Variants in MYO3A observed in about 807,000 individuals in gnomAD.
MYO3A encodes the protein myosin-IIIa.
MYO3A carries 180 observed loss-of-function variants against 192.7 expected under a neutral mutation model. The observed-to-expected ratio is 0.93, with a 90% CI of 0.83 to 1.06. MYO3A has a LOEUF of 1.06. Among genes scored for constraint, MYO3A ranks in the 50% least tolerant of loss-of-function variants. The probability of loss-of-function intolerance (pLI) is 0.00; values close to 1 mark genes in which losing one functional copy is unlikely to be tolerated. For synonymous variants in MYO3A, 628 were observed against 645.3 expected, an observed-to-expected ratio of 0.97 and a Z score of 0.41; for missense variants, 1,896 against 1,905.0, an observed-to-expected ratio of 1.00 and a Z score of 0.09.
intron 6 of MYO3A, among the ~76,000 whole-genome samples, chr10:26,011,781 A>G (rs1487479389): frequency 1.3e-5 from 2 of 152,214 alleles, no homozygotes; most frequent in Non-Finnish European, 2.9e-5. Context: ...TATCACCCTG[A>G]TACCAAAAGC....
intron 14 of MYO3A, among the ~76,000 whole-genome samples, chr10:26,075,780 G>T (rs929120702): frequency 1.5e-5 from 2 of 134,928 alleles, no homozygotes; most frequent in African/African-American, 2.8e-5. Context: ...ATATATATAT[G>T]ATATATATGT....
intron 11 of MYO3A, among the ~76,000 whole-genome samples, chr10:26,068,231 G>A (rs1049028036): frequency 6.6e-6 from 1 of 152,008 alleles, no homozygotes; most frequent in Admixed American, 6.6e-5. Flanking sequence ...GTCATGTACT[G>A]TAAATGGTGG....
chr10:26,106,520 T>C (rs1371636296), intron 17 of MYO3A, among the ~76,000 whole-genome samples: 1 of 152,146 alleles, frequency 6.6e-6, no homozygotes, highest in African/African-American at 2.4e-5. Flanking sequence ...GCTTAGATCA[T>C]CTAAGACTAG....
chr10:26,017,014 G>A (rs1408785026), intron 7 of MYO3A, 118 bp downstream of exon 7: 3 of 1,132,344 alleles, frequency 2.6e-6, no homozygotes, highest in South Asian at 1.3e-5. Flanking sequence ...TCTCAGTTGT[G>A]TTATTTTCAT....
chr10:26,200,577 T>C (rs575982446), intron 32 of MYO3A, among the ~76,000 whole-genome samples: 1 of 152,224 alleles, frequency 6.6e-6, no homozygotes, highest in Non-Finnish European at 1.5e-5. Flanking sequence ...GGTTTGTATA[T>C]AAGGTGAAAC....
chr10:26,161,162 G>T (rs2131962420), intron 26 of MYO3A, among the ~76,000 whole-genome samples: 1 of 152,268 alleles, frequency 6.6e-6, no homozygotes, highest in African/African-American at 2.4e-5. Context: ...TTTGGAAGTT[G>T]TCATCCAAAT....
chr10:26,089,314 G>A (rs1351207850), intron 15 of MYO3A, among the ~76,000 whole-genome samples: 1 of 152,016 alleles, frequency 6.6e-6, no homozygotes, highest in Non-Finnish European at 1.5e-5. Context: ...TAAAAATATG[G>A]AAGGAGGCCG....
chr10:26,198,042 ACAGTACTCT>A (rs1254478490), intron 32 of MYO3A, among the ~76,000 whole-genome samples: 87 of 152,364 alleles, frequency 5.7e-4, no homozygotes, highest in African/African-American at 2.0e-3. Context: ...CCACTGTAGT[ACAGTACTCT>A]CAGGGGCTGT....
chr10:25,939,607 TG>T (rs961549159), intron 2 of MYO3A, among the ~76,000 whole-genome samples: 10 of 151,672 alleles, frequency 6.6e-5, no homozygotes, highest in African/African-American at 1.7e-4. Flanking sequence ...ATTGTATAGT[TG>T]TTTTTTTTTA....
chr10:25,952,388 T>A (rs904007747), intron 3 of MYO3A, 110 bp downstream of exon 3: 16 of 1,218,876 alleles, frequency 1.3e-5, no homozygotes, highest in Non-Finnish European at 1.7e-5. Context: ...CTAAAACAGG[T>A]TACAATTTGA....
intron 6 of MYO3A, among the ~76,000 whole-genome samples, chr10:26,008,725 A>G (rs1234071986): frequency 6.7e-6 from 1 of 149,250 alleles, no homozygotes; most frequent in Non-Finnish European, 1.5e-5. Flanking sequence ...AAGTCAGGAA[A>G]CAACAGGTGC....
At chr10:26,103,805 C>T (rs1163800805) in intron 17 of MYO3A, among the ~76,000 whole-genome samples, 2 of 152,186 alleles carry the variant, frequency 1.3e-5, no homozygotes, top group Non-Finnish European at 2.9e-5. Flanking sequence ...TACATTCCCA[C>T]CAGCACTGTC....
intron 10 of MYO3A, among the ~76,000 whole-genome samples, chr10:26,061,895 G>C (rs939137708): frequency 5.9e-5 from 9 of 152,106 alleles, no homozygotes; most frequent in Non-Finnish European, 1.2e-4. Context: ...TGGATAATTG[G>C]ATTTCTTCCT....
At chr10:26,160,099 C>G (rs558996371) in intron 26 of MYO3A, among the ~76,000 whole-genome samples, 25 of 151,766 alleles carry the variant, frequency 1.6e-4, no homozygotes, top group Non-Finnish European at 3.4e-4. Flanking sequence ...CTTTAATTTG[C>G]TTAAATAGTA....
intron 20 of MYO3A, among the ~76,000 whole-genome samples, chr10:26,140,684 C>CA (rs531657966): frequency 0.021 from 1,427 of 68,564 alleles, 12 homozygotes; most frequent in African/African-American, 0.055. Context: ...GACTCTGTCT[C>CA]AAAAAAAAAA....
intron 34 of MYO3A, among the ~76,000 whole-genome samples, chr10:26,205,738 T>A (rs1449362277): frequency 1.4e-5 from 2 of 144,226 alleles, no homozygotes; most frequent in Admixed American, 7.2e-5. Flanking sequence ...TGCCTCAGCC[T>A]CCCAAGTAGC....
intron 12 of MYO3A, 79 bp downstream of exon 12, chr10:26,068,963 C>T (rs1835026573): frequency 1.0e-6 from 1 of 996,298 alleles, no homozygotes; most frequent in Non-Finnish European, 1.6e-6. Context: ...TAAATGAATG[C>T]CAGAAAATTT....
intron 3 of MYO3A, 53 bp from the exon 4 acceptor site, chr10:25,954,821 G>T: frequency 6.4e-7 from 1 of 1,559,324 alleles, no homozygotes; most frequent in South Asian, 1.1e-5. Context: ...CTGTTTCTTT[G>T]ACATTACTCA....
At chr10:26,203,863 G>T (rs75767216) in intron 34 of MYO3A, among the ~76,000 whole-genome samples, 27 of 152,282 alleles carry the variant, frequency 1.8e-4, no homozygotes, top group Admixed American at 3.3e-4. Flanking sequence ...AGAGTCACAT[G>T]GTCTTAGGTT....
Sources: gnomAD v4.1 joint callset for allele counts (sites outside exome capture counted in the v4.1 genomes callset) on GRCh38, gnomAD v4.1.1 for gene constraint, MANE v1.5 for transcripts, NCBI Gene and HGNC (gene_info 2026-07-23, HGNC 2026-07-21) for gene names.